Variants in SSH1 observed in about 807,000 individuals in gnomAD.
SSH1 encodes the protein slingshot protein phosphatase 1.
SSH1 carries 43 observed loss-of-function variants against 79.7 expected under a neutral mutation model. The ratio of observed to expected loss-of-function variants is 0.54; its 90% confidence interval spans 0.42 to 0.70. The LOEUF is 0.70. Ranked by LOEUF, SSH1 falls within the 30% of genes least tolerant of loss-of-function variation. The probability of loss-of-function intolerance (pLI) is 0.00; values close to 1 mark genes in which losing one functional copy is unlikely to be tolerated. For synonymous variants in SSH1, 599 were observed against 538.3 expected, an observed-to-expected ratio of 1.11 and a Z score of -1.56; for missense variants, 1,206 against 1,358.8, an observed-to-expected ratio of 0.89 and a Z score of 1.77.
rs914698765 is a variant in SSH1 at position 108,783,786 on chromosome 12, G to T, written c.*4202C>A. On this transcript the variant is annotated 3_prime_UTR_variant, in exon 15 of 15. Transcript: ENST00000326495. Reference sequence around the variant, plus strand: ...AACTCAAACACACAGGCATTCCACTGCAGAGCAGATGATAACAAAACAAGT... The same window carrying T: ...AACTCAAACACACAGGCATTCCACTTCAGAGCAGATGATAACAAAACAAGT... 1 of 152,216 alleles carries T rather than the reference G, an allele frequency of 6.6e-6. No homozygotes were observed. The highest frequency in any genetic ancestry group is 1.5e-5 in the Non-Finnish European group (1 of 68,070). The allele number at this position is 152,216 out of a possible 1,614,324, so 9.4% of individuals were successfully genotyped here.
intron 2 of SSH1, among the ~76,000 whole-genome samples, chr12:108,849,643 A>G (rs563670675): frequency 6.6e-6 from 1 of 152,012 alleles, no homozygotes; most frequent in Admixed American, 6.5e-5. Context: ...ACTGCTATTT[A>G]TAAGTTCTTA....
chr12:108,800,167 C>G (rs2036927424), intron 12 of SSH1, among the ~76,000 whole-genome samples: 1 of 152,198 alleles, frequency 6.6e-6, no homozygotes, highest in South Asian at 2.1e-4. Flanking sequence ...GACAGCATCT[C>G]AAAGGGTTCT....
chr12:108,827,636 T>G, intron 2 of SSH1: 1 of 1,090,702 alleles, frequency 9.2e-7, no homozygotes, highest in Non-Finnish European at 1.2e-6. Flanking sequence ...TCCTACGGGC[T>G]TTTCTGTAGG....
chr12:108,788,361 G>A lies in SSH1; in HGVS notation c.2777C>T (p.Ser926Phe), dbSNP rs764826030. 14 of 1,613,184 alleles carry A rather than the reference G, an allele frequency of 8.7e-6. No individual in the cohort carries two copies. The East Asian group carries it at 3.1e-4, about 36-fold the overall frequency. ...LKTICYTPTS[S>F]SMSSNLTRSS... is the part of the protein sequence containing the mutation. ...CCGGGTCAGGTTGGAGCTCATGGAA[G>A]AGGAGGTGGGGGTGTAGCAGATGGT... The change falls in exon 15 of 15, where the codon TCT becomes TTT. Residue 926 changes from serine (S) to phenylalanine (F), a missense_variant. Around this residue, in one of 5 missense-constraint regions of SSH1, gnomAD observed 709 missense variants for 730.6 expected, o/e 0.97. Transcript: ENST00000326495.
At chr12:108,805,606 C>G (rs1463795829) in intron 9 of SSH1, among the ~76,000 whole-genome samples, 1 of 151,696 alleles carries the variant, frequency 6.6e-6, no homozygotes, top group Non-Finnish European at 1.5e-5. Flanking sequence ...TGCCTGTAAT[C>G]CCGGCACTCT....
chr12:108,855,058 T>A (rs1593141834), intron 1 of SSH1, among the ~76,000 whole-genome samples: 1 of 152,282 alleles, frequency 6.6e-6, no homozygotes, highest in African/African-American at 2.4e-5. Context: ...TTGGTAAAAA[T>A]AATGCTTTAT....
At chr12:108,793,724 TA>T (rs958545659) in intron 13 of SSH1, among the ~76,000 whole-genome samples, 2 of 151,426 alleles carry the variant, frequency 1.3e-5, no homozygotes. Flanking sequence ...ATGTAAGGCA[TA>T]AAAAAAAAGT....
chr12:108,816,911 C>T, intron 5 of SSH1, 127 bp downstream of exon 5: 1 of 1,449,912 alleles, frequency 6.9e-7, no homozygotes, highest in African/African-American at 1.4e-5. Flanking sequence ...AGTGGCTCGA[C>T]TCCCCAGGCT....
At chr12:108,792,020 T>C in intron 14 of SSH1, 1 of 1,407,704 alleles carries the variant, frequency 7.1e-7, no homozygotes, top group Non-Finnish European at 9.3e-7. Flanking sequence ...GGGGTGAAGA[T>C]GGTGTGCAGA....
chr12:108,807,543 A>T lies in SSH1; in HGVS notation c.731+90T>A, dbSNP rs1026533309. ...GGGACTCCAGGGGAGGTGTGGCCCA[A>T]TGCAGGTTCAGGGTCGGGCACAGGG... On this transcript the variant is annotated intron_variant, in intron 8 of 14. Coordinates refer to ENST00000326495, the MANE Select transcript of SSH1 (RefSeq NM_018984.4). This position sits in a 1 kb window ranked among gnomAD's most constrained non-coding sequence, Gnocchi z 5.2. 1.5e-6 allele frequency: 2 copies of T among 1,294,690 alleles called. No individual in the cohort carries two copies. Among genetic ancestry groups the T allele is most frequent in the Non-Finnish European group, 2.2e-6 (2 of 901,904 alleles). The allele number at this position is 1,294,690 out of a possible 1,614,324, so 80.2% of individuals were successfully genotyped here. A position where few individuals can be genotyped will look rare whatever the true frequency, so the allele number is the denominator to read the frequency against.
intron 2 of SSH1, among the ~76,000 whole-genome samples, chr12:108,842,626 T>G (rs1161437929): frequency 6.6e-6 from 1 of 152,186 alleles, no homozygotes; most frequent in African/African-American, 2.4e-5. Context: ...CCCAAGCACA[T>G]AGTGATGCCG....
At chr12:108,823,064 T>C (rs2038183363) in intron 3 of SSH1, among the ~76,000 whole-genome samples, 194 bp downstream of exon 3, 2 of 152,190 alleles carry the variant, frequency 1.3e-5, no homozygotes, top group African/African-American at 2.4e-5. Context: ...CAGACAGACA[T>C]GACATAAAAG....
At chr12:108,799,224 G>A (rs201112368) in intron 12 of SSH1, 24 bp from the exon 13 acceptor site, 4 of 1,594,390 alleles carry the variant, frequency 2.5e-6, no homozygotes, top group African/African-American at 2.7e-5. Context: ...AGCAGTTGGG[G>A]AGGAGAGATG....
intron 2 of SSH1, among the ~76,000 whole-genome samples, chr12:108,825,804 T>C (rs1157696964): frequency 6.6e-6 from 1 of 152,218 alleles, no homozygotes; most frequent in African/African-American, 2.4e-5. Flanking sequence ...AAAAGCTCTT[T>C]AGCATCCATC....
At position 108,857,574 on chromosome 12, in the gene SSH1, G is replaced by A. The variant is rs1172881763; in HGVS notation, c.-78C>T. 3.4e-6 allele frequency: 3 copies of A among 883,848 alleles called. No individual in the cohort carries two copies. Among genetic ancestry groups the A allele is most frequent in the Non-Finnish European group, 4.1e-6 (3 of 739,162 alleles). The allele number at this position is 883,848 out of a possible 1,614,324, so 54.8% of individuals were successfully genotyped here. On this transcript the variant is annotated 5_prime_UTR_variant, in exon 1 of 15. Coordinates refer to ENST00000326495, the MANE Select transcript of SSH1 (RefSeq NM_018984.4). This position sits in a 1 kb window ranked among gnomAD's most constrained non-coding sequence, Gnocchi z 4.7. ...CGCCACCGCCGCCCGGGCCGGGCCCGGGGCCTCCTGGAGCCGCGCGCGGGC... is the reference window on the plus strand; with the variant it reads ...CGCCACCGCCGCCCGGGCCGGGCCCAGGGCCTCCTGGAGCCGCGCGCGGGC...
At chr12:108,827,475 T>A in intron 2 of SSH1, 1 of 1,297,594 alleles carries the variant, frequency 7.7e-7, no homozygotes, top group Non-Finnish European at 9.8e-7. Context: ...GGGAGCCAAC[T>A]CCTCCTCAGA....
Position 108,789,193 on chromosome 12 carries a change from A to G in SSH1, c.1945T>C (p.Cys649Arg). ...LNKVKPSYKS[C>R]ADCMYPTASG... ...GCTGTAGGGTACATGCAGTCGGCAC[A>G]GGATTTATAGGAAGGCTTCACTTTG... is the stretch of plus-strand genomic sequence containing the variant. Residue 649 changes from cysteine to arginine, a missense_variant, in exon 15 of 15, where the codon TGT (cysteine) becomes CGT (arginine). Physicochemically the swap from Cys to Arg is radical, Grantham distance 180 (BLOSUM62 -3). Around this residue, in one of 5 missense-constraint regions of SSH1, gnomAD observed 709 missense variants for 730.6 expected, o/e 0.97. Coordinates refer to ENST00000326495, the MANE Select transcript of SSH1 (RefSeq NM_018984.4). The G allele has an allele frequency of 6.2e-7, 1 of 1,607,582 alleles. No homozygotes were observed. Among genetic ancestry groups the G allele is most frequent in the South Asian group, 1.1e-5 (1 of 90,134 alleles).
chr12:108,825,298 T>C (rs539692393), intron 2 of SSH1, among the ~76,000 whole-genome samples: 2 of 152,326 alleles, frequency 1.3e-5, no homozygotes, highest in African/African-American at 4.8e-5. Context: ...AGATCACCTT[T>C]GCCCCAGACA....
rs759688786 is a variant in SSH1 at position 108,792,542 on chromosome 12, G to A, written c.1637C>T (p.Pro546Leu). 1.2e-6 allele frequency: 2 copies of A among 1,614,170 alleles called. No individual in the cohort carries two copies. The highest frequency in any genetic ancestry group is 2.2e-5 in the East Asian group (1 of 44,888). The change falls in exon 14 of 15, where the codon CCA becomes CTA. Residue 546 changes from proline (P) to leucine (L), a missense_variant. This residue lies in a region of SSH1 where 709 missense variants were observed against 730.6 expected (regional missense o/e 0.97). Transcript: ENST00000326495. ...EREALLEEAAPPAEVHRPARQ... is the reference protein window; with the variant it reads ...EREALLEEAALPAEVHRPARQ... ...GGCCGGCCTGTGCACCTCTGCAGGT[G>A]GAGCAGCTTCCTCCAACAGAGCCTC... is the stretch of plus-strand genomic sequence containing the variant.
Sources: allele counts gnomAD v4.1 joint callset (sites outside exome capture counted in the v4.1 genomes callset), GRCh38; gene constraint gnomAD v4.1.1; regional missense constraint gnomAD v4.1.1; non-coding constraint Gnocchi (gnomAD v3.1); transcripts MANE v1.5; gene names NCBI Gene and HGNC (gene_info 2026-07-23, HGNC 2026-07-21).